PTPRG: variants seen among roughly 807,000 people sequenced by gnomAD.
The protein encoded by PTPRG is receptor-type tyrosine-protein phosphatase gamma.
In PTPRG, 102 loss-of-function variants were observed where a neutral mutation model predicts 165.3. That is an observed-to-expected ratio of 0.62 (90% CI 0.53 to 0.73). PTPRG has a LOEUF of 0.73. Among genes scored for constraint, PTPRG ranks in the 30% least tolerant of loss-of-function variants. The pLI, the probability that PTPRG is intolerant of heterozygous loss-of-function variation, is 0.00. For missense variants in PTPRG, 1,866 were observed against 1,861.4 expected (o/e 1.00, Z -0.05); for synonymous variants, 675 against 669.5 (o/e 1.01, Z -0.13).
chr3:61,738,063 C>T (rs2032790443), intron 1 of PTPRG, among the ~76,000 whole-genome samples: 1 of 149,998 alleles, frequency 6.7e-6, no homozygotes, highest in East Asian at 2.0e-4. Flanking sequence ...CGCCCGCTAC[C>T]GCACCCGGCT....
At chr3:61,654,886 A>G (rs1367368546) in intron 1 of PTPRG, among the ~76,000 whole-genome samples, 5 of 147,962 alleles carry the variant, frequency 3.4e-5, no homozygotes, top group African/African-American at 1.0e-4. Context: ...GGTTCAAGAG[A>G]TTCTTGTGCC....
intron 1 of PTPRG, among the ~76,000 whole-genome samples, chr3:61,703,703 A>G (rs1172197980): frequency 6.6e-6 from 1 of 152,202 alleles, no homozygotes; most frequent in African/African-American, 2.4e-5. Context: ...TTTGAAAAAC[A>G]AACACAAATC....
chr3:61,572,562 C>T (rs1481415582), intron 1 of PTPRG, among the ~76,000 whole-genome samples: 1 of 152,118 alleles, frequency 6.6e-6, no homozygotes, highest in East Asian at 1.9e-4. Flanking sequence ...CATTAAAAAT[C>T]AGTCATTTTG....
At chr3:61,616,096 AT>A (rs1368081177) in intron 1 of PTPRG, among the ~76,000 whole-genome samples, 1 of 152,100 alleles carries the variant, frequency 6.6e-6, no homozygotes, top group African/African-American at 2.4e-5. Context: ...AATTATAGTC[AT>A]GTGCCACCAT....
At chr3:61,867,216 C>T (rs1379307023) in intron 2 of PTPRG, among the ~76,000 whole-genome samples, 2 of 152,180 alleles carry the variant, frequency 1.3e-5, no homozygotes, top group Non-Finnish European at 2.9e-5. Context: ...CCCCCTGCCT[C>T]CCAGAACCTG....
At chr3:62,083,231 C>T (rs1175517771) in intron 5 of PTPRG, among the ~76,000 whole-genome samples, 1 of 150,958 alleles carries the variant, frequency 6.6e-6, no homozygotes, top group African/African-American at 2.4e-5. Flanking sequence ...TTGGTTGGTG[C>T]AATAGTAATC....
At chr3:61,862,418 G>A (rs1391042480) in intron 2 of PTPRG, among the ~76,000 whole-genome samples, 1 of 124,336 alleles carries the variant, frequency 8.0e-6, no homozygotes, top group Non-Finnish European at 1.6e-5. Flanking sequence ...TTCCGCTGTT[G>A]TTGCCCAGGC....
At chr3:61,721,951 G>A (rs549696974) in intron 1 of PTPRG, among the ~76,000 whole-genome samples, 1 of 152,114 alleles carries the variant, frequency 6.6e-6, no homozygotes, top group Non-Finnish European at 1.5e-5. Context: ...GTTCTCCTTA[G>A]TATGGCAAGA....
intron 2 of PTPRG, among the ~76,000 whole-genome samples, chr3:61,932,248 A>T (rs999267223): frequency 6.6e-5 from 10 of 152,156 alleles, no homozygotes; most frequent in Admixed American, 3.9e-4. Flanking sequence ...TTTGGATTGG[A>T]TATTACATAG....
At position 62,266,200 on chromosome 3, in the gene PTPRG, CCACT is replaced by C; in HGVS notation, c.2657-1207_2657-1204del. On this transcript the variant is annotated intron_variant, in intron 17 of 29. Transcript: ENST00000474889. Reference sequence around the variant, plus strand: ...GAGTTAGGTTTTGGTGTTCTCTTGGCCACTCAGATTCTGGGCACATTGCCTGCCT... The same window carrying C: ...GAGTTAGGTTTTGGTGTTCTCTTGGCCAGATTCTGGGCACATTGCCTGCCT... 2.0e-5 allele frequency among the ~76,000 whole-genome samples: 3 copies of C among 152,160 alleles called. No individual in the cohort carries two copies. In the Middle Eastern group the frequency reaches 0.01, roughly 518 times the overall value.
chr3:62,273,775 G>A lies in PTPRG; in HGVS notation c.3396G>A (p.Leu1132=), dbSNP rs1702149372. Residue 1132 remains leucine (L), a synonymous_variant, in exon 23 of 30, where the codon CTG becomes CTA. Coordinates refer to ENST00000474889, the MANE Select transcript of PTPRG (RefSeq NM_002841.4). This position sits in a 1 kb window ranked among gnomAD's most constrained non-coding sequence, Gnocchi z 4.1. ...GKETEVSSNQ[L]HSYVNSILIP... is the part of the protein sequence containing the mutation. ...AGACTGAAGTATCTTCAAATCAGCT[G>A]CACAGCTATGTTAACAGCATCCTTA... 1 of 1,613,716 alleles carries A rather than the reference G, an allele frequency of 6.2e-7. No homozygotes were observed. The highest frequency in any genetic ancestry group is 8.5e-7 in the Non-Finnish European group (1 of 1,179,706).
At chr3:61,759,032 T>A (rs1349701194) in intron 2 of PTPRG, among the ~76,000 whole-genome samples, 3 of 152,214 alleles carry the variant, frequency 2.0e-5, no homozygotes, top group African/African-American at 7.2e-5. Context: ...GCATGTTCTT[T>A]GAGTGTAAAG....
At chr3:62,058,902 C>T (rs1700716892) in intron 4 of PTPRG, among the ~76,000 whole-genome samples, 2 of 152,282 alleles carry the variant, frequency 1.3e-5, no homozygotes, top group South Asian at 4.1e-4. Flanking sequence ...ATGATCCCTG[C>T]TGTGTCTTTC....
chr3:61,768,383 C>T (rs554578949), intron 2 of PTPRG, among the ~76,000 whole-genome samples: 1 of 152,156 alleles, frequency 6.6e-6, no homozygotes, highest in Non-Finnish European at 1.5e-5. Context: ...CTGTGTTAGC[C>T]TCTGGGAGTA....
chr3:61,733,756 T>C (rs602106), intron 1 of PTPRG, among the ~76,000 whole-genome samples: 122,993 of 152,154 alleles, frequency 0.81, 49,942 homozygotes, highest in African/African-American at 0.86. Flanking sequence ...TCCCTGTTCC[T>C]TCTACTGTTT....
intron 2 of PTPRG, among the ~76,000 whole-genome samples, chr3:61,862,750 AC>A (rs1020317615): frequency 6.6e-6 from 1 of 152,000 alleles, no homozygotes; most frequent in African/African-American, 2.4e-5. Flanking sequence ...ACTCTTCTGG[AC>A]TTTGTTTTCC....
Position 62,216,167 on chromosome 3 carries a change from G to A in PTPRG, c.2156-2684G>A, listed in dbSNP as rs970192623. On this transcript the variant is annotated intron_variant, in intron 12 of 29. Transcript: ENST00000474889. ...TGGGAGGCGGAGGTTGCAGTGAGCC[G>A]AGATCATGCACTCCAGCCTGGGTGA... is the stretch of plus-strand genomic sequence containing the variant. Among the ~76,000 whole-genome samples the A allele has an allele frequency of 4.6e-5, 7 of 150,760 alleles. No homozygotes were observed. In the Middle Eastern group the frequency reaches 0.01, roughly 221 times the overall value.
intron 1 of PTPRG, among the ~76,000 whole-genome samples, chr3:61,593,162 G>T (rs1012437232): frequency 6.6e-6 from 1 of 152,080 alleles, no homozygotes; most frequent in Non-Finnish European, 1.5e-5. Flanking sequence ...TTTGAGATGT[G>T]TGCAGTGCTG....
intron 1 of PTPRG, among the ~76,000 whole-genome samples, chr3:61,569,396 G>A (rs1005859728): frequency 6.6e-6 from 1 of 152,178 alleles, no homozygotes; most frequent in African/African-American, 2.4e-5. Flanking sequence ...GTCTTTGTGA[G>A]GCTTGAATGA....
Sources: gnomAD v4.1 joint callset for allele counts (sites outside exome capture counted in the v4.1 genomes callset) on GRCh38, gnomAD v4.1.1 for gene constraint, Gnocchi (gnomAD v3.1) non-coding constraint, MANE v1.5 for transcripts, NCBI Gene and HGNC (gene_info 2026-07-23, HGNC 2026-07-21) for gene names.